The following FOXP2 variants were observed in gnomAD, a reference collection of about 807,000 sequenced individuals.
FOXP2 encodes forkhead box P2, also known as forkhead box protein P2.
Under a neutral mutation model 115.8 loss-of-function variants are expected in FOXP2, and 12 were observed. The observed-to-expected ratio is 0.10, with a 90% CI of 0.07 to 0.17. FOXP2 has a LOEUF of 0.17. FOXP2 is among the 10% of genes least tolerant of loss of function. The pLI is 1.00. For synonymous variants in FOXP2, 328 were observed against 297.7 expected, an observed-to-expected ratio of 1.10 and a Z score of -1.05; for missense variants, 629 against 843.5, an observed-to-expected ratio of 0.75 and a Z score of 3.15.
intron 8 of FOXP2, among the ~76,000 whole-genome samples, chr7:114,651,817 T>C (rs1210183711): frequency 6.6e-6 from 1 of 152,140 alleles, no homozygotes; most frequent in Non-Finnish European, 1.5e-5. Flanking sequence ...AACAAACTGT[T>C]CTAACAATGA....
intron 1 of FOXP2, among the ~76,000 whole-genome samples, chr7:114,105,323 A>G (rs1791083978): frequency 6.6e-6 from 1 of 152,060 alleles, no homozygotes; most frequent in Non-Finnish European, 1.5e-5. Flanking sequence ...AATTTCATTA[A>G]GTCTTTTTCA....
chr7:114,559,805 C>T (rs749704823), intron 3 of FOXP2, among the ~76,000 whole-genome samples: 1 of 150,916 alleles, frequency 6.6e-6, no homozygotes, highest in South Asian at 2.1e-4. Context: ...AGGAGAATGG[C>T]GTGAACCTGG....
At chr7:114,660,789 T>C (rs904394502) in intron 13 of FOXP2, among the ~76,000 whole-genome samples, 1 of 152,166 alleles carries the variant, frequency 6.6e-6, no homozygotes, top group Admixed American at 6.6e-5. Context: ...CATTAGATAA[T>C]GTAGTGAATG....
At chr7:114,620,025 A>C (rs1168767630) in intron 3 of FOXP2, among the ~76,000 whole-genome samples, 1 of 152,076 alleles carries the variant, frequency 6.6e-6, no homozygotes, top group Non-Finnish European at 1.5e-5. Flanking sequence ...TGTCTCTGAT[A>C]CACTAAATAA....
chr7:114,548,700 A>G (rs1372342954), intron 3 of FOXP2, among the ~76,000 whole-genome samples: 1 of 152,310 alleles, frequency 6.6e-6, no homozygotes, highest in Admixed American at 6.5e-5. Flanking sequence ...AAAGAACAAT[A>G]CAAAGTAAAC....
At chr7:114,404,417 T>C (rs1290630578) in intron 2 of FOXP2, among the ~76,000 whole-genome samples, 2 of 152,140 alleles carry the variant, frequency 1.3e-5, no homozygotes, top group East Asian at 3.8e-4. Context: ...TAACACTTTA[T>C]TGAGCATGAT....
chr7:114,348,435 A>G (rs1791400333), intron 2 of FOXP2, among the ~76,000 whole-genome samples: 1 of 151,852 alleles, frequency 6.6e-6, no homozygotes, highest in Non-Finnish European at 1.5e-5. Context: ...CTTTGTTCAA[A>G]TTCGTCTCCC....
chr7:114,143,179 A>G (rs1286483710), intron 1 of FOXP2, among the ~76,000 whole-genome samples: 2 of 149,556 alleles, frequency 1.3e-5, no homozygotes, highest in East Asian at 2.0e-4. Context: ...AATAATAATA[A>G]TAATAATAGC....
chr7:114,213,091 AT>A (rs1794400179), intron 1 of FOXP2, among the ~76,000 whole-genome samples: 1 of 152,104 alleles, frequency 6.6e-6, no homozygotes, highest in African/African-American at 2.4e-5. Flanking sequence ...GGAATTTTAG[AT>A]TTCTCTGTTA....
chr7:114,345,791 G>T (rs1791332376), intron 2 of FOXP2, among the ~76,000 whole-genome samples: 2 of 151,772 alleles, frequency 1.3e-5, no homozygotes, highest in South Asian at 2.1e-4. Context: ...TTAAAGTACA[G>T]CTTATATCTG....
In FOXP2 at chr7:114,426,575, A is replaced by T; in HGVS notation, c.64A>T (p.Thr22Ser). ...NSSMNQNGMS[T>S]LSSQLDAGSR... ...TTCAATGAATCAAAATGGAATGAGC[A>T]CTCTAAGCAGCCAATTAGATGCTGG... is the stretch of plus-strand genomic sequence containing the variant. Residue 22 changes from threonine (T) to serine (S), a missense_variant, in exon 2 of 17, where the codon ACT becomes TCT. Physicochemically the swap from Thr to Ser is moderately conservative, Grantham distance 58. This residue lies in a region of FOXP2 where 91 missense variants were observed against 98.3 expected (regional missense o/e 0.93). Coordinates refer to ENST00000350908, the MANE Select transcript of FOXP2 (RefSeq NM_014491.4). The T allele has an allele frequency of 6.2e-7, 1 of 1,611,652 alleles. No homozygotes were observed.
intron 2 of FOXP2, among the ~76,000 whole-genome samples, chr7:114,467,938 C>T (rs1299075116): frequency 6.6e-6 from 1 of 152,006 alleles, no homozygotes; most frequent in Non-Finnish European, 1.5e-5. Flanking sequence ...TTTAGACTCT[C>T]TTTTTTTGCC....
intron 3 of FOXP2, among the ~76,000 whole-genome samples, chr7:114,591,808 C>G (rs1471061323): frequency 6.6e-6 from 1 of 152,040 alleles, no homozygotes; most frequent in Non-Finnish European, 1.5e-5. Flanking sequence ...TGTTCTCTCC[C>G]AAGATTCTGT....
At chr7:114,175,825 G>GT (rs2129153898) in intron 1 of FOXP2, among the ~76,000 whole-genome samples, 1 of 152,228 alleles carries the variant, frequency 6.6e-6, no homozygotes, top group African/African-American at 2.4e-5. Context: ...GTAGCTTTCT[G>GT]TAAGATTTGT....
chr7:114,486,762 G>A (rs912402233), intron 2 of FOXP2, among the ~76,000 whole-genome samples: 1 of 152,156 alleles, frequency 6.6e-6, no homozygotes, highest in Non-Finnish European at 1.5e-5. Context: ...AAATCCATTA[G>A]GATAGCCAAA....
At chr7:114,331,033 T>A (rs1055363667) in intron 2 of FOXP2, among the ~76,000 whole-genome samples, 10 of 152,192 alleles carry the variant, frequency 6.6e-5, no homozygotes, top group Non-Finnish European at 1.2e-4. Context: ...GTCTTTGTGT[T>A]TGGCACTAAG....
chr7:114,349,190 A>G (rs1441997570), intron 2 of FOXP2, among the ~76,000 whole-genome samples: 1 of 152,066 alleles, frequency 6.6e-6, no homozygotes, highest in East Asian at 1.9e-4. Context: ...TGCAACTAAG[A>G]ACCATTTGAA....
chr7:114,518,195 T>A (rs1798437792), intron 2 of FOXP2, among the ~76,000 whole-genome samples: 1 of 152,172 alleles, frequency 6.6e-6, no homozygotes. Context: ...TACCAATGTA[T>A]ATATAAAATA....
At chr7:114,238,131 A>G (rs1795059111) in intron 1 of FOXP2, among the ~76,000 whole-genome samples, 1 of 152,198 alleles carries the variant, frequency 6.6e-6, no homozygotes, top group Non-Finnish European at 1.5e-5. Flanking sequence ...AGATGTGGTA[A>G]AGAGAGAAGT....
Sources: allele counts gnomAD v4.1 joint callset (sites outside exome capture counted in the v4.1 genomes callset), GRCh38; gene constraint gnomAD v4.1.1; regional missense constraint gnomAD v4.1.1; transcripts MANE v1.5; gene names NCBI Gene and HGNC (gene_info 2026-07-23, HGNC 2026-07-21).